The following TENM2 variants were observed in gnomAD, a reference collection of about 807,000 sequenced individuals.
The protein encoded by TENM2 is teneurin-2.
TENM2 carries 52 observed loss-of-function variants against 245.2 expected under a neutral mutation model. The observed-to-expected ratio is 0.21, with a 90% CI of 0.17 to 0.27. TENM2 has a LOEUF of 0.27. TENM2 is among the 10% of genes least tolerant of loss of function. TENM2 has a pLI of 1.00. For missense variants in TENM2, 3,046 were observed against 3,666.8 expected (o/e 0.83, Z 4.37); for synonymous variants, 1,363 against 1,438.9 (o/e 0.95, Z 1.19).
intron 2 of TENM2, among the ~76,000 whole-genome samples, chr5:167,808,884 G>A (rs551304369): frequency 2.0e-4 from 31 of 152,254 alleles, no homozygotes; most frequent in African/African-American, 6.0e-4. Flanking sequence ...AAGTGTCTAT[G>A]ACAATATTTC....
chr5:167,881,564 C>G (rs558772968), intron 3 of TENM2, among the ~76,000 whole-genome samples: 2 of 152,190 alleles, frequency 1.3e-5, no homozygotes, highest in Non-Finnish European at 2.9e-5. Context: ...AAACATCATT[C>G]ACTTTCCCAA....
the TENM2 span, among the ~76,000 whole-genome samples, chr5:167,265,029 T>TAAAGG: frequency 1.8e-4 from 28 of 151,834 alleles, no homozygotes; most frequent in African/African-American, 6.5e-4. Context: ...GCCATGTGGA[T>TAAAGG]AAAGGAAAGG....
chr5:167,643,492 C>T (rs1210990145), intron 2 of TENM2, among the ~76,000 whole-genome samples: 1 of 152,026 alleles, frequency 6.6e-6, no homozygotes, highest in Admixed American at 6.6e-5. Context: ...ATTCCAACTG[C>T]TTCTGTTAAA....
At chr5:167,313,432 G>A (rs574068461) in intron 1 of TENM2, among the ~76,000 whole-genome samples, 2 of 152,266 alleles carry the variant, frequency 1.3e-5, no homozygotes, top group Non-Finnish European at 2.9e-5. Context: ...ACGAGCTCAG[G>A]AGAAGACAAG....
At chr5:167,659,510 T>C (rs1229160369) in intron 2 of TENM2, among the ~76,000 whole-genome samples, 1 of 152,216 alleles carries the variant, frequency 6.6e-6, no homozygotes, top group East Asian at 1.9e-4. Context: ...TTTATACATT[T>C]ATCCACATTT....
At chr5:167,111,788 G>T in the TENM2 span, among the ~76,000 whole-genome samples, 1 of 152,134 alleles carries the variant, frequency 6.6e-6, no homozygotes, top group Non-Finnish European at 1.5e-5. Context: ...TTATGAGACT[G>T]TTTTACACAC....
intron 4 of TENM2, among the ~76,000 whole-genome samples, chr5:167,957,732 C>T (rs995060761): frequency 2.0e-5 from 3 of 152,162 alleles, no homozygotes; most frequent in Non-Finnish European, 4.4e-5. Context: ...TTGTTATTTA[C>T]CCAGTAGTCA....
intron 1 of TENM2, among the ~76,000 whole-genome samples, chr5:167,290,144 T>A (rs1241258059): frequency 4.6e-5 from 7 of 152,220 alleles, no homozygotes. Flanking sequence ...AATCTACAAC[T>A]TTTCAATGTT....
chr5:167,760,907 T>A (rs1762623455), intron 2 of TENM2, among the ~76,000 whole-genome samples: 1 of 146,664 alleles, frequency 6.8e-6, no homozygotes, highest in East Asian at 2.6e-4. Flanking sequence ...CACCTTGGCC[T>A]CCCAAAGTGC....
In TENM2 at chr5:167,826,068, G is replaced by A. The variant is rs1304906804; in HGVS notation, c.503-49918G>A. 2.0e-5 allele frequency among the ~76,000 whole-genome samples: 3 copies of A among 151,812 alleles called. No individual in the cohort carries two copies. The East Asian group carries it at 5.8e-4, about 29-fold the overall frequency. On this transcript the variant is annotated intron_variant, in intron 2 of 28. Transcript: ENST00000518659. ...CAAGCTGCTCCAGTTGTAGAATTTG[G>A]CCTCTTACCCCTAGCATGTGCAAAA...
chr5:167,058,945 G>T, the TENM2 span, among the ~76,000 whole-genome samples: 1 of 152,108 alleles, frequency 6.6e-6, no homozygotes, highest in Non-Finnish European at 1.5e-5. Flanking sequence ...TACAAGAAAA[G>T]ACAGCACCCC....
Position 167,350,943 on chromosome 5 carries a change from A to AT in TENM2, c.227-24254dup. Among the ~76,000 whole-genome samples, 2 of 78,390 alleles carry AT rather than the reference A, an allele frequency of 2.6e-5. 1 individual carries two copies. Among genetic ancestry groups the AT allele is most frequent in the Non-Finnish European group, 5.6e-5 (2 of 35,818 alleles). 51.4% of individuals were successfully genotyped at this position (78,390 alleles called of 152,430 possible). ...ATATACATATGGATATATATATGGG[A>AT]TATATACATATGGATATATATATGG... On this transcript the variant is annotated intron_variant, in intron 1 of 28. Transcript: ENST00000518659.
At chr5:168,094,460 G>A (rs1233266885) in intron 8 of TENM2, among the ~76,000 whole-genome samples, 1 of 152,060 alleles carries the variant, frequency 6.6e-6, no homozygotes, top group South Asian at 2.1e-4. Flanking sequence ...CCTAGCTGTA[G>A]GAATGACTTC....
At chr5:167,076,932 C>G in the TENM2 span, among the ~76,000 whole-genome samples, 5 of 152,068 alleles carry the variant, frequency 3.3e-5, no homozygotes, top group African/African-American at 9.7e-5. Flanking sequence ...CCTTCATTTC[C>G]CAGGTTCAAG....
At chr5:168,202,260 T>C (rs1762001562) in intron 17 of TENM2, among the ~76,000 whole-genome samples, 1 of 152,200 alleles carries the variant, frequency 6.6e-6, no homozygotes, top group Admixed American at 6.5e-5. Flanking sequence ...AGATAAATGC[T>C]TGATTATTTC....
In TENM2 at chr5:168,236,971, TATATATATATATATATATATATA is replaced by T. The variant is rs1562318885; in HGVS notation, c.5521-7448_5521-7426del. Among the ~76,000 whole-genome samples the T allele has an allele frequency of 1.5e-3, 12 of 8,002 alleles. 1 individual carries two copies. The highest frequency in any genetic ancestry group is 1.6e-3 in the Non-Finnish European group (7 of 4,380). 5.2% of individuals were successfully genotyped at this position (8,002 alleles called of 152,430 possible). A position where few individuals can be genotyped will look rare whatever the true frequency, so the allele number is the denominator to read the frequency against. On this transcript the variant is annotated intron_variant, in intron 25 of 28. Transcript: ENST00000518659. ...ATATATATATATATATATATATATA[TATATATATATATATATATATATA>T]TATATATTTTTTTTTTTTTTTTTTT...
intron 10 of TENM2, 133 bp from the exon 13 acceptor site, chr5:168,124,704 TATTTCTTGGGCTA>T (rs1795715826): frequency 2.9e-6 from 2 of 695,114 alleles, no homozygotes; most frequent in Non-Finnish European, 4.7e-6. Context: ...ACCACATAAG[TATTTCTTGGGCTA>T]CTCCATTTGC....
chr5:168,183,327 G>T (rs1760092264), intron 13 of TENM2, among the ~76,000 whole-genome samples: 1 of 152,116 alleles, frequency 6.6e-6, no homozygotes, highest in Non-Finnish European at 1.5e-5. Flanking sequence ...CCAGAATGGT[G>T]CTGACCTGCT....
the TENM2 span, among the ~76,000 whole-genome samples, chr5:167,118,900 T>C: frequency 2.0e-5 from 3 of 152,208 alleles, no homozygotes; most frequent in Admixed American, 2.0e-4. Context: ...TAAGGAAGGC[T>C]TTTTGATTGT....
Sources: allele counts gnomAD v4.1 joint callset (sites outside exome capture counted in the v4.1 genomes callset), GRCh38; gene constraint gnomAD v4.1.1; transcripts MANE v1.5; gene names NCBI Gene and HGNC (gene_info 2026-07-23, HGNC 2026-07-21).